USP47: variants seen among roughly 807,000 people sequenced by gnomAD.
USP47 encodes the protein ubiquitin carboxyl-terminal hydrolase 47.
USP47 carries 35 observed loss-of-function variants against 165.1 expected under a neutral mutation model. The observed-to-expected ratio is 0.21, with a 90% confidence interval of 0.16 to 0.28. The LOEUF is 0.28. USP47 is among the 10% of genes least tolerant of loss of function. USP47 has a pLI of 1.00. For synonymous variants in USP47, 531 were observed against 544.5 expected (o/e 0.98, Z 0.35); for missense variants, 1,277 against 1,607.4 (o/e 0.79, Z 3.52).
At chr11:11,850,879 T>A (rs1848688413) in intron 1 of USP47, among the ~76,000 whole-genome samples, 1 of 152,200 alleles carries the variant, frequency 6.6e-6, no homozygotes, top group African/African-American at 2.4e-5. Context: ...AGCAGCACCG[T>A]CTCGCTGTGT....
At chr11:11,899,256 A>G (rs187701863) in intron 5 of USP47, among the ~76,000 whole-genome samples, 5 of 152,334 alleles carry the variant, frequency 3.3e-5, no homozygotes, top group Middle Eastern at 3.4e-3. Flanking sequence ...GGGAGTATGC[A>G]CAGGAATGGG....
At chr11:11,950,308 C>G in intron 23 of USP47, 56 bp from the exon 24 acceptor site, 1 of 1,244,872 alleles carries the variant, frequency 8.0e-7, no homozygotes, top group Non-Finnish European at 1.1e-6. Flanking sequence ...TAGTGTCAAT[C>G]TTTAAATTGA....
Position 11,956,423 on chromosome 11 carries a change from C to A in USP47, c.*248C>A, listed in dbSNP as rs894712480. The A allele has an allele frequency of 2.1e-5, 7 of 327,072 alleles. No individual in the cohort carries two copies. The highest frequency in any genetic ancestry group is 2.8e-5 in the Non-Finnish European group (5 of 180,770). The allele number at this position is 327,072 out of a possible 1,614,324, so 20.3% of individuals were successfully genotyped here. A position where few individuals can be genotyped will look rare whatever the true frequency, so the allele number is the denominator to read the frequency against. On this transcript the variant is annotated 3_prime_UTR_variant, in exon 28 of 28. Transcript: ENST00000527733. ...GGATGTGCAAAAAAATAAAAAAAAA[C>A]AACAAAAAAAGCTAACCTTCTATTA...
intron 4 of USP47, among the ~76,000 whole-genome samples, chr11:11,896,984 C>CA (rs1365934427): frequency 1.3e-5 from 2 of 151,914 alleles, no homozygotes; most frequent in East Asian, 3.9e-4. Flanking sequence ...CTTTGCACAG[C>CA]ATGCTGATCT....
Position 11,859,077 on chromosome 11 carries a change from G to A in USP47, c.39+16853G>A, listed in dbSNP as rs372450466. Among the ~76,000 whole-genome samples the A allele has an allele frequency of 2.0e-4, 31 of 152,160 alleles. No individual in the cohort carries two copies. The East Asian group carries it at 5.0e-3, about 25-fold the overall frequency. ...TAACCATTTTATTAAGTGTGTAGTG[G>A]TGGTATCTGTTTGTGCTTTTAGTTT... On this transcript the variant is annotated intron_variant, in intron 1 of 27. Transcript: ENST00000527733.
At chr11:11,846,936 G>A (rs979112543) in intron 1 of USP47, among the ~76,000 whole-genome samples, 1 of 152,008 alleles carries the variant, frequency 6.6e-6, no homozygotes, top group East Asian at 1.9e-4. Context: ...TAAGAGACAA[G>A]TTTGTCAAGT....
chr11:11,860,909 T>C (rs1849342403), intron 1 of USP47, among the ~76,000 whole-genome samples: 1 of 152,076 alleles, frequency 6.6e-6, no homozygotes, highest in South Asian at 2.1e-4. Flanking sequence ...AAGTAATACA[T>C]TACAATTTTA....
intron 1 of USP47, among the ~76,000 whole-genome samples, chr11:11,842,580 T>C (rs1261128001): frequency 6.6e-6 from 1 of 152,212 alleles, no homozygotes; most frequent in Admixed American, 6.5e-5. Flanking sequence ...AACAGTTGCC[T>C]ATGGGCACGG....
At chr11:11,888,959 T>G (rs1160987460) in intron 3 of USP47, among the ~76,000 whole-genome samples, 1 of 152,192 alleles carries the variant, frequency 6.6e-6, no homozygotes, top group Non-Finnish European at 1.5e-5. Context: ...AACACATGAT[T>G]ATCTCAAAAG....
chr11:11,875,032 A>C (rs865975963), intron 1 of USP47, among the ~76,000 whole-genome samples: 1 of 103,340 alleles, frequency 9.7e-6, no homozygotes, highest in Non-Finnish European at 2.0e-5. Context: ...AAATTGACTT[A>C]TTGTGTGTGT....
At chr11:11,842,569 G>A (rs1206454549) in intron 1 of USP47, among the ~76,000 whole-genome samples, 1 of 152,228 alleles carries the variant, frequency 6.6e-6, no homozygotes, top group Non-Finnish European at 1.5e-5. Flanking sequence ...AAACATTCTG[G>A]AACAGTTGCC....
chr11:11,848,607 ATTTT>A (rs35165430), intron 1 of USP47, among the ~76,000 whole-genome samples: 2 of 113,480 alleles, frequency 1.8e-5, no homozygotes, highest in Admixed American at 8.4e-5. Flanking sequence ...TGAAACTGGC[ATTTT>A]TTTTTTTTTT....
chr11:11,848,851 C>T (rs549794143), intron 1 of USP47, among the ~76,000 whole-genome samples: 34 of 152,266 alleles, frequency 2.2e-4, no homozygotes, highest in Admixed American at 1.9e-3. Flanking sequence ...CCTCGTGATA[C>T]GCCTGCCTCG....
At chr11:11,867,451 CT>C (rs1849755878) in intron 1 of USP47, among the ~76,000 whole-genome samples, 1 of 152,074 alleles carries the variant, frequency 6.6e-6, no homozygotes, top group South Asian at 2.1e-4. Context: ...CTTTAGTTCT[CT>C]TATATAGAGT....
chr11:11,932,405 G>C (rs950240849), intron 14 of USP47, among the ~76,000 whole-genome samples: 1 of 152,150 alleles, frequency 6.6e-6, no homozygotes, highest in African/African-American at 2.4e-5. Context: ...TGACCATATA[G>C]AGAGGGAGAA....
intron 27 of USP47, 37 bp downstream of exon 27, chr11:11,955,201 C>T: frequency 6.2e-7 from 1 of 1,600,444 alleles, no homozygotes; most frequent in Non-Finnish European, 8.5e-7. Context: ...GTTAGTAATA[C>T]ATTTTTGGCG....
chr11:11,879,501 G>T (rs142022412), intron 1 of USP47, among the ~76,000 whole-genome samples: 2 of 152,134 alleles, frequency 1.3e-5, no homozygotes, highest in Non-Finnish European at 2.9e-5. Flanking sequence ...GAAAGTTTAA[G>T]CAGGAAGGAT....
chr11:11,946,347 C>T (rs935087701), intron 20 of USP47, among the ~76,000 whole-genome samples: 25 of 152,156 alleles, frequency 1.6e-4, no homozygotes, highest in African/African-American at 6.0e-4. Flanking sequence ...GTCATAATCA[C>T]CATATTAAAC....
chr11:11,906,006 T>A (rs1370730926), intron 8 of USP47, among the ~76,000 whole-genome samples: 1 of 152,134 alleles, frequency 6.6e-6, no homozygotes, highest in East Asian at 1.9e-4. Flanking sequence ...ATCCCTACTT[T>A]AAATATTTAG....
Sources: gnomAD v4.1 joint callset for allele counts (sites outside exome capture counted in the v4.1 genomes callset) on GRCh38, gnomAD v4.1.1 for gene constraint, MANE v1.5 for transcripts, NCBI Gene and HGNC (gene_info 2026-07-23, HGNC 2026-07-21) for gene names.